Variants in PRRX1 observed in about 807,000 individuals in gnomAD.
The protein encoded by PRRX1 is paired related homeobox 1.
A neutral mutation model predicts 24.0 loss-of-function variants in PRRX1; 8 were observed. The observed-to-expected ratio is 0.33, with a 90% CI of 0.20 to 0.60. The LOEUF is 0.60. Ranked by LOEUF, PRRX1 falls within the 20% of genes least tolerant of loss-of-function variation. PRRX1 has a pLI of 0.82. For synonymous variants in PRRX1, 160 were observed against 131.7 expected, an observed-to-expected ratio of 1.22 and a Z score of -1.47; for missense variants, 281 against 322.4, an observed-to-expected ratio of 0.87 and a Z score of 0.98.
At chr1:170,715,883 G>A (rs1222822503) in intron 1 of PRRX1, among the ~76,000 whole-genome samples, 2 of 152,118 alleles carry the variant, frequency 1.3e-5, no homozygotes, top group African/African-American at 4.8e-5. Context: ...TTTTCCCTGG[G>A]GAATGGTTTC....
At chr1:170,677,206 C>T (rs1653351280) in intron 1 of PRRX1, among the ~76,000 whole-genome samples, 1 of 152,156 alleles carries the variant, frequency 6.6e-6, no homozygotes, top group South Asian at 2.1e-4. Flanking sequence ...TATGGTTCCA[C>T]CATTCATTAA....
At chr1:170,714,543 A>T (rs2101913632) in intron 1 of PRRX1, among the ~76,000 whole-genome samples, 1 of 142,192 alleles carries the variant, frequency 7.0e-6, no homozygotes, top group South Asian at 2.5e-4. Flanking sequence ...TTTTCTTCAG[A>T]TTTTATTCCT....
intron 1 of PRRX1, among the ~76,000 whole-genome samples, chr1:170,700,111 G>A (rs1654304627): frequency 6.6e-6 from 1 of 152,002 alleles, no homozygotes; most frequent in African/African-American, 2.4e-5. Flanking sequence ...ATGTCCTATG[G>A]CCTCCTATGG....
At chr1:170,715,165 G>A (rs1571341179) in intron 1 of PRRX1, among the ~76,000 whole-genome samples, 2 of 152,190 alleles carry the variant, frequency 1.3e-5, no homozygotes, top group East Asian at 3.9e-4. Flanking sequence ...TTTTTCCTCT[G>A]TGGGTAAAAC....
chr1:170,724,088 G>A (rs1232259747), intron 2 of PRRX1, among the ~76,000 whole-genome samples: 1 of 151,996 alleles, frequency 6.6e-6, no homozygotes, highest in Non-Finnish European at 1.5e-5. Flanking sequence ...TCCTAGCCCT[G>A]GTAACACTTA....
Position 170,719,888 on chromosome 1 carries a change from A to C in PRRX1, c.404A>C (p.Glu135Ala), listed in dbSNP as rs774365443. ...CTTGCCCGCCGGGTGAACCTCACCG[A>C]GGCGAGAGTGCAGGTAACTCAAGCT... ...EDLARRVNLT[E>A]ARVQVWFQNR... Residue 135 changes from glutamate to alanine, a missense_variant, in exon 2 of 4, where the codon GAG (glutamate) becomes GCG (alanine). Transcript: ENST00000239461. The C allele has an allele frequency of 6.2e-7, 1 of 1,614,040 alleles. No homozygotes were observed. The highest frequency in any genetic ancestry group is 1.7e-5 in the Admixed American group (1 of 60,022).
intron 2 of PRRX1, among the ~76,000 whole-genome samples, chr1:170,723,615 C>A (rs1434572731): frequency 1.3e-5 from 2 of 152,162 alleles, no homozygotes; most frequent in African/African-American, 4.8e-5. Context: ...AGAAACTCAG[C>A]CATTTATTAT....
intron 1 of PRRX1, among the ~76,000 whole-genome samples, chr1:170,676,626 C>A (rs1387768567): frequency 6.6e-6 from 1 of 151,996 alleles, no homozygotes; most frequent in Non-Finnish European, 1.5e-5. Flanking sequence ...GCAGATGCTG[C>A]TATGTTCTAT....
intron 1 of PRRX1, among the ~76,000 whole-genome samples, chr1:170,677,161 G>A (rs1653350224): frequency 6.6e-6 from 1 of 152,182 alleles, no homozygotes; most frequent in Non-Finnish European, 1.5e-5. Flanking sequence ...GTCTTCATGT[G>A]TTTTATGTTG....
intron 1 of PRRX1, among the ~76,000 whole-genome samples, chr1:170,704,603 A>C (rs1244721368): frequency 6.6e-6 from 1 of 152,184 alleles, no homozygotes; most frequent in Non-Finnish European, 1.5e-5. Context: ...TAGACTTTGG[A>C]AAGTTGGTGT....
At chr1:170,696,182 A>G (rs1571328992) in intron 1 of PRRX1, among the ~76,000 whole-genome samples, 1 of 152,194 alleles carries the variant, frequency 6.6e-6, no homozygotes, top group African/African-American at 2.4e-5. Context: ...GCCATATGGC[A>G]GTAGGACAAG....
intron 1 of PRRX1, among the ~76,000 whole-genome samples, chr1:170,666,919 G>A (rs1201015392): frequency 6.6e-6 from 1 of 152,040 alleles, no homozygotes; most frequent in Non-Finnish European, 1.5e-5. Flanking sequence ...TGGCTGGGAG[G>A]CTGCCCTGGA....
chr1:170,710,404 G>C (rs1360256476), intron 1 of PRRX1, among the ~76,000 whole-genome samples: 1 of 152,080 alleles, frequency 6.6e-6, no homozygotes, highest in East Asian at 1.9e-4. Flanking sequence ...AACATCACAG[G>C]CTTTCCCAGT....
At chr1:170,696,727 T>C (rs1654183079) in intron 1 of PRRX1, among the ~76,000 whole-genome samples, 1 of 152,204 alleles carries the variant, frequency 6.6e-6, no homozygotes, top group African/African-American at 2.4e-5. Flanking sequence ...CTACTTTCTT[T>C]GCTTCTAAGC....
chr1:170,672,119 A>G (rs944567463), intron 1 of PRRX1, among the ~76,000 whole-genome samples: 1 of 152,156 alleles, frequency 6.6e-6, no homozygotes, highest in Non-Finnish European at 1.5e-5. Flanking sequence ...TTGGGTACCT[A>G]AAGCCATTTC....
intron 2 of PRRX1, among the ~76,000 whole-genome samples, chr1:170,721,480 G>A (rs1041994635): frequency 9.2e-5 from 14 of 152,148 alleles, no homozygotes; most frequent in Admixed American, 9.2e-4. Context: ...TTGATGCAGA[G>A]ATCCTAGTGC....
At chr1:170,675,342 A>G (rs1379035343) in intron 1 of PRRX1, among the ~76,000 whole-genome samples, 1 of 152,192 alleles carries the variant, frequency 6.6e-6, no homozygotes, top group African/African-American at 2.4e-5. Context: ...TACTGCTCCA[A>G]AAATCAATTT....
intron 1 of PRRX1, among the ~76,000 whole-genome samples, chr1:170,687,975 C>T (rs1032686358): frequency 2.0e-5 from 3 of 152,028 alleles, no homozygotes; most frequent in African/African-American, 7.2e-5. Context: ...AAGAGAAGGA[C>T]CGGGAAAGAG....
At chr1:170,684,858 T>G (rs1289502694) in intron 1 of PRRX1, among the ~76,000 whole-genome samples, 2 of 152,244 alleles carry the variant, frequency 1.3e-5, no homozygotes, top group Non-Finnish European at 2.9e-5. Context: ...TTTCTCAGCA[T>G]CTTGAGCTTT....
Sources: allele counts gnomAD v4.1 joint callset (sites outside exome capture counted in the v4.1 genomes callset), GRCh38; gene constraint gnomAD v4.1.1; transcripts MANE v1.5; gene names NCBI Gene and HGNC (gene_info 2026-07-23, HGNC 2026-07-21).